The following VWA8 variants were observed in gnomAD, a reference collection of about 807,000 sequenced individuals.
VWA8 encodes von Willebrand factor A domain-containing protein 8.
VWA8 carries 221 observed loss-of-function variants against 241.5 expected under a neutral mutation model. The observed-to-expected ratio is 0.91, with a 90% CI of 0.82 to 1.02. The LOEUF is 1.02. Ranked by LOEUF, VWA8 falls within the 50% of genes least tolerant of loss-of-function variation. The pLI is 0.00. For missense variants in VWA8, 2,322 were observed against 2,328.7 expected, an observed-to-expected ratio of 1.00 and a Z score of 0.06; for synonymous variants, 852 against 827.1, an observed-to-expected ratio of 1.03 and a Z score of -0.52.
intron 42 of VWA8, among the ~76,000 whole-genome samples, chr13:41,577,449 CTGTTAGAAAT>C (rs1328306641): frequency 1.3e-5 from 2 of 152,164 alleles, no homozygotes; most frequent in African/African-American, 4.8e-5. Context: ...CTGAGCTCAG[CTGTTAGAAAT>C]TGCTCAGGAT....
chr13:41,882,834 A>AGAGGGAGAGGGAGACCGTGGGGAGAGGGT (rs1874323416), intron 9 of VWA8, among the ~76,000 whole-genome samples: 1 of 152,082 alleles, frequency 6.6e-6, no homozygotes, highest in African/African-American at 2.4e-5. Flanking sequence ...AGGGAGAGGG[A>AGAGGGAGAGGGAGACCGTGGGGAGAGGGT]GAGGGAGAGC....
chr13:41,887,676 A>G (rs1010220812), intron 5 of VWA8, among the ~76,000 whole-genome samples: 1 of 152,204 alleles, frequency 6.6e-6, no homozygotes, highest in African/African-American at 2.4e-5. Context: ...AAAATACATG[A>G]CTAGAGGTTG....
rs981398469 is a variant in VWA8, at chr13:41,868,273, T to C, written c.1212+73A>G. ...AGAGAGAAGACTTACAAGGAGATCA[T>C]AAACCCAATTTAGGTCATAAAAACA... On this transcript the variant is annotated intron_variant, in intron 10 of 44. Transcript: ENST00000379310. 5 of 1,573,410 alleles carry C rather than the reference T, an allele frequency of 3.2e-6. No individual in the cohort carries two copies. In the African/African-American group the frequency reaches 6.8e-5, roughly 21 times the overall value.
rs114019585 is a variant in VWA8, at chr13:41,902,313, T to C, written c.483+5273A>G. On this transcript the variant is annotated intron_variant, in intron 4 of 44. Coordinates refer to ENST00000379310, the MANE Select transcript of VWA8 (RefSeq NM_015058.2). ...CACTATAAACTTTATATACATGGCA[T>C]ACCATTTTTGTAAAAATTATACATT... Among the ~76,000 whole-genome samples, 430 of 152,338 alleles carry C rather than the reference T, an allele frequency of 2.8e-3. 3 individuals carry two copies. Among genetic ancestry groups the C allele is most frequent in the African/African-American group, 9.7e-3 (405 of 41,570 alleles).
In VWA8 at chr13:41,691,339, C is replaced by T. The variant is rs2045175761; in HGVS notation, c.3847G>A (p.Val1283Met). Residue 1283 changes from valine (V) to methionine (M), a missense_variant, in exon 32 of 45, where the codon GTG (valine) becomes ATG (methionine). Val to Met is a conservative substitution (Grantham distance 21). Coordinates refer to ENST00000379310, the MANE Select transcript of VWA8 (RefSeq NM_015058.2). ...FLVAEDKWLLVESKTNQKYLL... is the reference protein window; with the variant it reads ...FLVAEDKWLLMESKTNQKYLL... ...ACTCACTGATTTGTTTTGCTCTCCA[C>T]CAGAAGCCATTTGTCCTCTGCTACA... The T allele has an allele frequency of 1.9e-6, 3 of 1,612,350 alleles. No individual in the cohort carries two copies. Among genetic ancestry groups the T allele is most frequent in the East Asian group, 4.5e-5 (2 of 44,818 alleles).
rs114007387 is a variant in VWA8, at chr13:41,887,380, C to T, written c.652-19G>A. 3.7e-4 allele frequency: 585 copies of T among 1,602,432 alleles called. 2 individuals carry two copies. In the African/African-American group the frequency reaches 6.4e-3, roughly 18 times the overall value. The stretch of plus-strand genomic sequence containing the variant: ...TATGATCCTATAAAAGTAAGAGATC[C>T]GGAAGCTATAGCATAAATGATACAA... On this transcript the variant is annotated intron_variant, in intron 5 of 44. Coordinates refer to ENST00000379310, the MANE Select transcript of VWA8 (RefSeq NM_015058.2).
chr13:41,601,674 T>C lies in VWA8; in HGVS notation c.4986+3494A>G, dbSNP rs183245927. Among the ~76,000 whole-genome samples, 212 of 152,222 alleles carry C rather than the reference T, an allele frequency of 1.4e-3. 1 individual carries two copies. The highest frequency in any genetic ancestry group is 2.6e-3 in the Non-Finnish European group (174 of 67,980). ...AAGTATTTATGGACTGATGAGAAGA[T>C]TCATGCAATCGATTCACAAAAGGGA... is the stretch of plus-strand genomic sequence containing the variant. On this transcript the variant is annotated intron_variant, in intron 40 of 44. Coordinates refer to ENST00000379310, the MANE Select transcript of VWA8 (RefSeq NM_015058.2).
chr13:41,920,464 C>CA (rs903790808), intron 2 of VWA8, among the ~76,000 whole-genome samples: 21 of 150,728 alleles, frequency 1.4e-4, no homozygotes, highest in African/African-American at 4.2e-4. Flanking sequence ...GATAGAGACA[C>CA]AAAAAAAACC....
intron 2 of VWA8, chr13:41,927,439 T>C: frequency 2.6e-6 from 1 of 385,784 alleles, no homozygotes; most frequent in South Asian, 2.2e-5. Context: ...GTGTGTTGCT[T>C]TCCATTTGAC....
At chr13:41,790,932 A>G (rs1367459726) in intron 17 of VWA8, among the ~76,000 whole-genome samples, 1 of 151,942 alleles carries the variant, frequency 6.6e-6, no homozygotes, top group East Asian at 1.9e-4. Context: ...TTTAAAAATT[A>G]CATTAACAAA....
Position 41,748,794 on chromosome 13 carries a change from C to A in VWA8, c.2426+12334G>T, listed in dbSNP as rs1224309981. ...TATTTAATAAATCGTGCTGGGAAAA[C>A]TGGCTAGCCATATGTAGAAAGCTGA... On this transcript the variant is annotated intron_variant, in intron 21 of 44. Coordinates refer to ENST00000379310, the MANE Select transcript of VWA8 (RefSeq NM_015058.2). 4.6e-5 allele frequency among the ~76,000 whole-genome samples: 7 copies of A among 152,282 alleles called. No individual in the cohort carries two copies. The South Asian group carries it at 1.0e-3, about 23-fold the overall frequency.
chr13:41,621,508 C>T (rs1025047865), intron 37 of VWA8, among the ~76,000 whole-genome samples: 5 of 152,164 alleles, frequency 3.3e-5, no homozygotes, highest in African/African-American at 1.2e-4. Flanking sequence ...TTCTGAACAC[C>T]ATTCCTCACT....
intron 37 of VWA8, among the ~76,000 whole-genome samples, chr13:41,645,729 G>A (rs1237128137): frequency 6.6e-6 from 1 of 152,172 alleles, no homozygotes; most frequent in Non-Finnish European, 1.5e-5. Context: ...GAAGTGCCAA[G>A]GAAAAGGCAG....
chr13:41,718,463 A>G (rs1442081213), intron 26 of VWA8, among the ~76,000 whole-genome samples: 4 of 151,944 alleles, frequency 2.6e-5, no homozygotes, highest in Non-Finnish European at 5.9e-5. Context: ...ACTGCCACCC[A>G]GTCATTCTTC....
At chr13:41,846,495 C>G (rs1340627693) in intron 12 of VWA8, among the ~76,000 whole-genome samples, 1 of 152,066 alleles carries the variant, frequency 6.6e-6, no homozygotes, top group Non-Finnish European at 1.5e-5. Flanking sequence ...ATGCCTGGCA[C>G]CTAATGGTTA....
intron 29 of VWA8, among the ~76,000 whole-genome samples, chr13:41,694,144 A>G (rs1230579758): frequency 1.3e-5 from 2 of 152,134 alleles, no homozygotes; most frequent in East Asian, 1.9e-4. Context: ...TGAATTAATC[A>G]TGACCCTTGC....
At chr13:41,869,533 G>A (rs904601657) in intron 9 of VWA8, among the ~76,000 whole-genome samples, 3 of 149,140 alleles carry the variant, frequency 2.0e-5, no homozygotes, top group Non-Finnish European at 4.4e-5. Context: ...TTGGGAGGCT[G>A]AGGCACGAGA....
intron 2 of VWA8, among the ~76,000 whole-genome samples, chr13:41,916,930 G>A (rs984476665): frequency 6.6e-6 from 1 of 152,124 alleles, no homozygotes; most frequent in African/African-American, 2.4e-5. Context: ...CTACCTTCCA[G>A]GAGTCCACAT....
intron 2 of VWA8, among the ~76,000 whole-genome samples, chr13:41,941,526 A>G (rs1032111543): frequency 6.6e-6 from 1 of 152,242 alleles, no homozygotes. Context: ...TCCTGCAAAC[A>G]ACCTAAATTA....
Sources: allele counts gnomAD v4.1 joint callset (sites outside exome capture counted in the v4.1 genomes callset), GRCh38; gene constraint gnomAD v4.1.1; transcripts MANE v1.5; gene names NCBI Gene and HGNC (gene_info 2026-07-23, HGNC 2026-07-21).